ELMO2: variants seen among roughly 807,000 people sequenced by gnomAD.
The protein encoded by ELMO2 is engulfment and cell motility protein 2.
ELMO2 carries 37 observed loss-of-function variants against 96.2 expected under a neutral mutation model. The ratio of observed to expected loss-of-function variants is 0.38; its 90% CI spans 0.30 to 0.51. ELMO2 has a LOEUF of 0.51. Ranked by LOEUF, ELMO2 falls within the 20% of genes least tolerant of loss-of-function variation. ELMO2 has a pLI of 0.88. For synonymous variants in ELMO2, 315 were observed against 329.4 expected (o/e 0.96, Z 0.47); for missense variants, 561 against 912.6 (o/e 0.61, Z 4.96).
At chr20:46,405,102 A>G (rs927024387) in intron 1 of ELMO2, among the ~76,000 whole-genome samples, 2 of 152,186 alleles carry the variant, frequency 1.3e-5, no homozygotes, top group Admixed American at 6.5e-5. Context: ...GAGATACTAC[A>G]TGAAGCAAAA....
rs758481726 is a variant in ELMO2 at position 46,375,740 on chromosome 20, T to G, written c.858A>C (p.Leu286=). The G allele has an allele frequency of 1.9e-5, 31 of 1,614,102 alleles. No homozygotes were observed. The highest frequency in any genetic ancestry group is 1.6e-4 in the Middle Eastern group (1 of 6,084). Residue 286 remains leucine (L), a synonymous_variant, in exon 12 of 22, where the codon CTA becomes CTC. Coordinates refer to ENST00000290246, the MANE Select transcript of ELMO2 (RefSeq NM_133171.5). This position sits in a 1 kb window ranked among gnomAD's most constrained non-coding sequence, Gnocchi z 4.6. ...TAAAGGTTAGGACTTGAAGGACATA[T>G]AGCTGATGGGCCATCTCAGTTTTGA... ...RPIKTEMAHQ[L]YVLQVLTFNL... is the part of the protein sequence containing the mutation.
intron 2 of ELMO2, among the ~76,000 whole-genome samples, chr20:46,396,921 C>G (rs941758456): frequency 6.6e-6 from 1 of 152,184 alleles, no homozygotes; most frequent in African/African-American, 2.4e-5. Context: ...TTTAAAAAAT[C>G]CAAGTGAGGA....
intron 5 of ELMO2, 61 bp downstream of exon 5, chr20:46,393,468 C>G: frequency 6.4e-7 from 1 of 1,560,526 alleles, no homozygotes; most frequent in East Asian, 2.2e-5. Context: ...ATAGTGCCGT[C>G]TCCTTGGGTC....
rs1219535388 is a variant in ELMO2 at position 46,394,462 on chromosome 20, A to G, written c.21T>C (p.Ile7=). MPPPSD[I]VKVAIEWPGA... is the part of the protein sequence containing the mutation. ...CTGGCCACTCAATGGCCACTTTGAC[A>G]ATGTCTGACGGTGGTGGCATCGTTC... Residue 7 remains isoleucine (I), a synonymous_variant, in exon 3 of 22, where the codon ATT becomes ATC. Coordinates refer to ENST00000290246, the MANE Select transcript of ELMO2 (RefSeq NM_133171.5). 2 of 1,614,074 alleles carry G rather than the reference A, an allele frequency of 1.2e-6. No homozygotes were observed. The highest frequency in any genetic ancestry group is 1.3e-5 in the African/African-American group (1 of 74,918).
At chr20:46,389,925 C>T (rs1478068841) in intron 6 of ELMO2, among the ~76,000 whole-genome samples, 3 of 152,016 alleles carry the variant, frequency 2.0e-5, no homozygotes, top group Admixed American at 6.5e-5. Context: ...GAGGCCAAGG[C>T]GGGCAGATCA....
chr20:46,401,184 A>G (rs1405602179), intron 1 of ELMO2, among the ~76,000 whole-genome samples: 1 of 152,200 alleles, frequency 6.6e-6, no homozygotes, highest in Non-Finnish European at 1.5e-5. Flanking sequence ...ATCTCTATAA[A>G]GGCTTCCCCC....
At chr20:46,370,671 G>A in intron 19 of ELMO2, 146 bp from the exon 20 acceptor site, 1 of 746,176 alleles carries the variant, frequency 1.3e-6, no homozygotes, top group Non-Finnish European at 2.3e-6. Flanking sequence ...CTCAGTGAGG[G>A]TGGTGGGGAG....
intron 11 of ELMO2, among the ~76,000 whole-genome samples, chr20:46,379,458 C>A (rs2059918360): frequency 6.6e-6 from 1 of 152,190 alleles, no homozygotes; most frequent in Non-Finnish European, 1.5e-5. Flanking sequence ...CTCAGGTACC[C>A]CTTAGCAAAC....
At chr20:46,377,772 G>A (rs1266621262) in intron 11 of ELMO2, among the ~76,000 whole-genome samples, 13 of 152,108 alleles carry the variant, frequency 8.5e-5, no homozygotes, top group African/African-American at 2.2e-4. Context: ...GCGTGAGATC[G>A]CTCTTCTTAG....
At chr20:46,405,427 G>C (rs1186061830) in intron 1 of ELMO2, among the ~76,000 whole-genome samples, 2 of 152,200 alleles carry the variant, frequency 1.3e-5, no homozygotes, top group East Asian at 3.9e-4. Flanking sequence ...AGAAGGAACA[G>C]AAAGAGGCCA....
chr20:46,402,996 T>C (rs2060360771), intron 1 of ELMO2, among the ~76,000 whole-genome samples: 2 of 152,230 alleles, frequency 1.3e-5, no homozygotes, highest in Non-Finnish European at 2.9e-5. Context: ...ACTAACGATT[T>C]TCTTACCTGT....
At chr20:46,369,024 A>C in intron 20 of ELMO2, 56 bp from the exon 21 acceptor site, 1 of 1,552,838 alleles carries the variant, frequency 6.4e-7, no homozygotes, top group Non-Finnish European at 8.9e-7. Flanking sequence ...TCTGCACATC[A>C]AGATCTTGGC....
At chr20:46,405,208 GTGT>G (rs969155828) in intron 1 of ELMO2, among the ~76,000 whole-genome samples, 1 of 152,236 alleles carries the variant, frequency 6.6e-6, no homozygotes, top group Non-Finnish European at 1.5e-5. Context: ...AGTTGTGCAA[GTGT>G]TGTTAAGGAC....
chr20:46,397,639 C>T (rs1380835502), intron 2 of ELMO2, among the ~76,000 whole-genome samples: 1 of 152,178 alleles, frequency 6.6e-6, no homozygotes, highest in African/African-American at 2.4e-5. Flanking sequence ...CCATTACGCT[C>T]CAGCCTGGGC....
Position 46,389,026 on chromosome 20 carries a change from T to C in ELMO2, c.425+13A>G, listed in dbSNP as rs1481980488. On this transcript the variant is annotated intron_variant, in intron 7 of 21. Coordinates refer to ENST00000290246, the MANE Select transcript of ELMO2 (RefSeq NM_133171.5). ...CGTCGAAGTCCTTGGAACGAGACCT[T>C]AGTCATACTCACTGGGACAAGAGCT... 9 of 1,610,020 alleles carry C rather than the reference T, an allele frequency of 5.6e-6. No homozygotes were observed. Among genetic ancestry groups the C allele is most frequent in the Non-Finnish European group, 7.6e-6 (9 of 1,177,116 alleles).
At chr20:46,373,927 CTT>C (rs3091499) in intron 15 of ELMO2, among the ~76,000 whole-genome samples, 1,769 of 126,516 alleles carry the variant, frequency 0.014, 10 homozygotes, top group African/African-American at 0.029. Context: ...CCACTGACAT[CTT>C]TTTTTTTTTT....
rs1189952004 is a variant in ELMO2, at chr20:46,386,240, C to G, written c.561G>C (p.Val187=). 3 of 1,613,996 alleles carry G rather than the reference C, an allele frequency of 1.9e-6. No homozygotes were observed. The East Asian group carries it at 6.7e-5, about 36-fold the overall frequency. Residue 187 remains valine (V), a synonymous_variant, in exon 9 of 22, where the codon GTG becomes GTC. Transcript: ENST00000290246. ...TGGCCAGGGACCTCTGAAGGATTGA[C>G]ACGTCCACCATGGGCTGGCTCACAT... The part of the protein sequence containing the change: ...AGYVSQPMVD[V]SILQRSLAIL...
Position 46,383,458 on chromosome 20 carries a change from C to T in ELMO2, c.714G>A (p.Leu238=). The part of the protein sequence containing the change: ...NQEIQTYAIA[L]INALFLKAPE... ...GAGCCTTCAGAAAAAGTGCATTAAT[C>T]AGTGCAATGGCGTAGGTCTGAATCT... The change falls in exon 10 of 22, where the codon CTG becomes CTA. Residue 238 remains leucine, a synonymous_variant. Coordinates refer to ENST00000290246, the MANE Select transcript of ELMO2 (RefSeq NM_133171.5). The T allele has an allele frequency of 6.2e-7, 1 of 1,612,888 alleles. No homozygotes were observed. The highest frequency in any genetic ancestry group is 2.2e-5 in the East Asian group (1 of 44,778).
Position 46,375,444 on chromosome 20 carries a change from G to A in ELMO2, c.931-74C>T. 1 of 1,571,190 alleles carries A rather than the reference G, an allele frequency of 6.4e-7. No individual in the cohort carries two copies. The highest frequency in any genetic ancestry group is 1.7e-4 in the Middle Eastern group (1 of 5,736). On this transcript the variant is annotated intron_variant, in intron 12 of 21. Coordinates refer to ENST00000290246, the MANE Select transcript of ELMO2 (RefSeq NM_133171.5). The surrounding 1 kb of genome is among the most constrained non-coding windows in gnomAD (Gnocchi z 4.6). ...GCAAGGAAAAGAAACAGTGGGTCAG[G>A]CTTTTCTGGGCCAAACTTTGGCCCC...
Sources: gnomAD v4.1 joint callset for allele counts (sites outside exome capture counted in the v4.1 genomes callset) on GRCh38, gnomAD v4.1.1 for gene constraint, Gnocchi (gnomAD v3.1) non-coding constraint, MANE v1.5 for transcripts, NCBI Gene and HGNC (gene_info 2026-07-23, HGNC 2026-07-21) for gene names.